Variants in WDR59 observed in about 807,000 individuals in gnomAD.
WDR59 encodes the protein GATOR2 complex protein WDR59.
A neutral mutation model predicts 131.2 loss-of-function variants in WDR59; 100 were observed. That is an observed-to-expected ratio of 0.76 (90% CI 0.65 to 0.90). The LOEUF is 0.90. Among genes scored for constraint, WDR59 ranks in the 40% least tolerant of loss-of-function variants. WDR59 has a pLI of 0.00. For missense variants in WDR59, 1,203 were observed against 1,262.2 expected, an observed-to-expected ratio of 0.95 and a Z score of 0.71; for synonymous variants, 601 against 466.2, an observed-to-expected ratio of 1.29 and a Z score of -3.72.
chr16:74,912,454 TA>T, intron 13 of WDR59, 92 bp from the exon 14 acceptor site: 2 of 1,322,584 alleles, frequency 1.5e-6, no homozygotes, highest in Non-Finnish European at 2.1e-6. Flanking sequence ...ATGTTCCTGG[TA>T]ATTGAATGAA....
intron 1 of WDR59, among the ~76,000 whole-genome samples, chr16:74,977,982 A>G (rs1343662531): frequency 1.3e-5 from 2 of 152,022 alleles, no homozygotes; most frequent in African/African-American, 4.8e-5. Context: ...CCAAGGTGGG[A>G]GGGCTGTGTG....
At position 74,888,323 on chromosome 16, in the gene WDR59, AG is replaced by A. The variant is rs1398139494; in HGVS notation, c.2196-5del. On this transcript the variant is annotated splice_polypyrimidine_tract_variant and splice_region_variant and intron_variant, in intron 21 of 25. Coordinates refer to ENST00000262144, the MANE Select transcript of WDR59 (RefSeq NM_030581.4). ...GAGCCGGCAATAGTGAGCCAACCTGAGGAAAAGATAAGAGGAAAGAAAACAA... is the reference window on the plus strand; with the variant it reads ...GAGCCGGCAATAGTGAGCCAACCTGAGAAAAGATAAGAGGAAAGAAAACAA... The A allele has an allele frequency of 6.2e-7, 1 of 1,610,856 alleles. No homozygotes were observed.
intron 8 of WDR59, among the ~76,000 whole-genome samples, chr16:74,924,780 G>A (rs905129996): frequency 1.3e-5 from 2 of 152,110 alleles, no homozygotes; most frequent in Admixed American, 6.6e-5. Context: ...TCTGGAAATC[G>A]CTATGGCAAT....
intron 18 of WDR59, among the ~76,000 whole-genome samples, chr16:74,903,184 T>G (rs1965633113): frequency 6.6e-6 from 1 of 152,220 alleles, no homozygotes; most frequent in Non-Finnish European, 1.5e-5. Context: ...ATCCATTATT[T>G]CCCACTGAGC....
At chr16:74,936,769 G>A (rs1270479589) in intron 8 of WDR59, among the ~76,000 whole-genome samples, 1 of 150,518 alleles carries the variant, frequency 6.6e-6, no homozygotes, top group African/African-American at 2.5e-5. Flanking sequence ...AGGTTGCAGT[G>A]AGCCGAGATC....
At chr16:74,904,132 G>A (rs752233243) in intron 17 of WDR59, 32 bp from the exon 18 acceptor site, 1 of 1,597,464 alleles carries the variant, frequency 6.3e-7, no homozygotes, top group African/African-American at 1.3e-5. Flanking sequence ...ATCCACACTG[G>A]CTGCAGTCCT....
intron 2 of WDR59, among the ~76,000 whole-genome samples, chr16:74,960,402 A>C (rs1307202195): frequency 2.0e-5 from 3 of 151,966 alleles, no homozygotes; most frequent in Non-Finnish European, 2.9e-5. Context: ...AAAGTCATAC[A>C]AGATATCCAA....
chr16:74,884,932 C>G (rs1297501717), intron 25 of WDR59, among the ~76,000 whole-genome samples: 1 of 152,206 alleles, frequency 6.6e-6, no homozygotes, highest in Non-Finnish European at 1.5e-5. Flanking sequence ...AAGATTCTCC[C>G]TCTCTGTTCT....
At chr16:74,889,524 G>A (rs1964937340) in intron 21 of WDR59, 179 bp downstream of exon 21, 2 of 581,694 alleles carry the variant, frequency 3.4e-6, no homozygotes, top group African/African-American at 3.7e-5. Context: ...GTATGGTTCT[G>A]TCTGCTATAA....
intron 8 of WDR59, among the ~76,000 whole-genome samples, chr16:74,925,683 TG>T (rs1342258661): frequency 1.3e-5 from 2 of 152,162 alleles, no homozygotes; most frequent in Admixed American, 1.3e-4. Context: ...GTCATGGAAC[TG>T]TTTGATACCC....
rs1337643112 is a variant in WDR59, at chr16:74,918,012, G to A, written c.887-4C>T. 10 of 1,613,076 alleles carry A rather than the reference G, an allele frequency of 6.2e-6. No individual in the cohort carries two copies. Among genetic ancestry groups the A allele is most frequent in the African/African-American group, 1.3e-5 (1 of 74,900 alleles). On this transcript the variant is annotated splice_polypyrimidine_tract_variant and splice_region_variant and intron_variant, in intron 10 of 25. Transcript: ENST00000262144. The stretch of plus-strand genomic sequence containing the variant: ...ACCAGTTGATAGTCCTTGGACCCTA[G>A]AAATCACCAAATAAGAATCCTGGAA...
At chr16:74,886,214 A>T in intron 24 of WDR59, 56 bp downstream of exon 24, 1 of 1,368,012 alleles carries the variant, frequency 7.3e-7, no homozygotes, top group Admixed American at 1.9e-5. Context: ...TTGTGGAGAA[A>T]CTGGAGTCCT....
intron 6 of WDR59, among the ~76,000 whole-genome samples, chr16:74,943,284 C>T (rs1232585539): frequency 6.6e-6 from 1 of 150,588 alleles, no homozygotes; most frequent in Non-Finnish European, 1.5e-5. Context: ...TAGAAAAACA[C>T]AGCCTTAGCT....
At chr16:74,980,049 C>T (rs112087250) in intron 1 of WDR59, among the ~76,000 whole-genome samples, 4 of 149,336 alleles carry the variant, frequency 2.7e-5, no homozygotes, top group South Asian at 2.1e-4. Flanking sequence ...TTAGTAGAAA[C>T]GGGCTTTCAC....
At chr16:74,960,101 G>A (rs562499906) in intron 2 of WDR59, among the ~76,000 whole-genome samples, 6 of 152,008 alleles carry the variant, frequency 3.9e-5, no homozygotes, top group East Asian at 1.9e-4. Flanking sequence ...AGGCCGAGGC[G>A]GGTAGACTGC....
At chr16:74,953,831 C>G (rs1225869086) in intron 3 of WDR59, among the ~76,000 whole-genome samples, 1 of 151,562 alleles carries the variant, frequency 6.6e-6, no homozygotes, top group Non-Finnish European at 1.5e-5. Context: ...GAAACCCTGT[C>G]TCTACTAAAA....
intron 1 of WDR59, among the ~76,000 whole-genome samples, chr16:74,981,633 T>TACAC (rs2034414385): frequency 4.6e-4 from 8 of 17,564 alleles, no homozygotes; most frequent in African/African-American, 1.2e-3. Flanking sequence ...TATATATATA[T>TACAC]ATATATATAT....
At chr16:74,960,336 A>G (rs1392425594) in intron 2 of WDR59, among the ~76,000 whole-genome samples, 2 of 151,946 alleles carry the variant, frequency 1.3e-5, no homozygotes, top group African/African-American at 2.4e-5. Flanking sequence ...ATCTAAAAAA[A>G]AGAAAGAAGC....
chr16:74,980,754 T>C (rs905762075), intron 1 of WDR59, among the ~76,000 whole-genome samples: 1 of 150,152 alleles, frequency 6.7e-6, no homozygotes, highest in Non-Finnish European at 1.5e-5. Flanking sequence ...GGCATATCAC[T>C]TCAGGTAAGG....
Sources: allele counts gnomAD v4.1 joint callset (sites outside exome capture counted in the v4.1 genomes callset), GRCh38; gene constraint gnomAD v4.1.1; transcripts MANE v1.5; gene names NCBI Gene and HGNC (gene_info 2026-07-23, HGNC 2026-07-21).